Variants in AFAP1 observed in about 807,000 individuals in gnomAD.
AFAP1 encodes actin filament associated protein 1.
Under a neutral mutation model 93.9 loss-of-function variants are expected in AFAP1, and 75 were observed. That is an observed-to-expected ratio of 0.80 (90% CI 0.66 to 0.97). The LOEUF is 0.97. Among genes scored for constraint, AFAP1 ranks in the 50% least tolerant of loss-of-function variants. The pLI is 0.00. For synonymous variants in AFAP1, 517 were observed against 430.7 expected (o/e 1.20, Z -2.48); for missense variants, 1,201 against 1,050.8 (o/e 1.14, Z -1.98).
At chr4:7,791,229 T>C (rs1369679800) in intron 11 of AFAP1, among the ~76,000 whole-genome samples, 2 of 152,204 alleles carry the variant, frequency 1.3e-5, no homozygotes, top group Non-Finnish European at 2.9e-5. Flanking sequence ...AGCAGCTGTC[T>C]GTATGTTTCT....
intron 8 of AFAP1, 32 bp downstream of exon 8, chr4:7,815,986 G>GTA: frequency 6.5e-7 from 1 of 1,547,968 alleles, no homozygotes; most frequent in Non-Finnish European, 8.8e-7. Context: ...TTTTTTTAGT[G>GTA]TATATATGTT....
chr4:7,933,019 CAA>C (rs11369145), intron 1 of AFAP1, among the ~76,000 whole-genome samples: 9 of 51,088 alleles, frequency 1.8e-4, no homozygotes, highest in Non-Finnish European at 2.0e-4. Context: ...GACTCCCTCT[CAA>C]AAAAAAAAAA....
chr4:7,928,167 G>A (rs1052195274), intron 1 of AFAP1, among the ~76,000 whole-genome samples: 1 of 152,096 alleles, frequency 6.6e-6, no homozygotes, highest in Admixed American at 6.6e-5. Flanking sequence ...TTGGCTAAAT[G>A]TAAACTGCCC....
At chr4:7,881,080 C>T (rs572876534) in intron 1 of AFAP1, among the ~76,000 whole-genome samples, 3 of 152,290 alleles carry the variant, frequency 2.0e-5, no homozygotes, top group Non-Finnish European at 4.4e-5. Flanking sequence ...TGGTTCTTCC[C>T]TTCAAATTTC....
intron 1 of AFAP1, among the ~76,000 whole-genome samples, chr4:7,907,901 T>C (rs191347646): frequency 7.9e-5 from 12 of 152,250 alleles, no homozygotes; most frequent in Admixed American, 5.9e-4. Context: ...TAGCACCCAT[T>C]TAAAGTTAAG....
intron 11 of AFAP1, among the ~76,000 whole-genome samples, chr4:7,791,903 CAG>C (rs1042716644): frequency 4.0e-5 from 6 of 151,736 alleles, no homozygotes; most frequent in African/African-American, 1.5e-4. Flanking sequence ...CAAAACGTGG[CAG>C]AGTGTTCACG....
intron 1 of AFAP1, among the ~76,000 whole-genome samples, chr4:7,927,817 T>G (rs1252624239): frequency 6.6e-6 from 1 of 152,196 alleles, no homozygotes; most frequent in African/African-American, 2.4e-5. Context: ...CACACATATA[T>G]TCTTGTATCA....
intron 1 of AFAP1, among the ~76,000 whole-genome samples, chr4:7,935,920 A>G (rs1362051913): frequency 6.6e-6 from 1 of 152,230 alleles, no homozygotes; most frequent in African/African-American, 2.4e-5. Context: ...ACCTCGACAC[A>G]GAAGCAGAAT....
chr4:7,791,790 C>T (rs562811428), intron 11 of AFAP1, among the ~76,000 whole-genome samples: 2 of 150,066 alleles, frequency 1.3e-5, no homozygotes, highest in Admixed American at 6.7e-5. Flanking sequence ...GAGGTTGAGG[C>T]TGCAATGAGT....
intron 4 of AFAP1, 125 bp from the exon 5 acceptor site, chr4:7,843,475 C>T: frequency 2.2e-6 from 2 of 912,546 alleles, no homozygotes; most frequent in South Asian, 1.9e-5. Context: ...ACCTCTGCTC[C>T]TTAAGGGAAA....
At chr4:7,795,788 A>T (rs1250675085) in intron 10 of AFAP1, among the ~76,000 whole-genome samples, 1 of 152,194 alleles carries the variant, frequency 6.6e-6, no homozygotes, top group Non-Finnish European at 1.5e-5. Context: ...AAAGCATTTT[A>T]AAAATGTTTT....
chr4:7,773,258 G>A, intron 15 of AFAP1: 1 of 498,136 alleles, frequency 2.0e-6, no homozygotes, highest in South Asian at 2.9e-5. Flanking sequence ...TTCTGACGAA[G>A]GCCAGGAGCT....
At chr4:7,882,289 A>T (rs1281766820) in intron 1 of AFAP1, among the ~76,000 whole-genome samples, 1 of 152,184 alleles carries the variant, frequency 6.6e-6, no homozygotes, top group Non-Finnish European at 1.5e-5. Context: ...AAAACAAAAA[A>T]ACACCAGACC....
At chr4:7,926,460 T>C (rs1268541662) in intron 1 of AFAP1, among the ~76,000 whole-genome samples, 1 of 152,152 alleles carries the variant, frequency 6.6e-6, no homozygotes, top group Non-Finnish European at 1.5e-5. Context: ...AGAATACTGT[T>C]TGTATTCCCA....
At chr4:7,877,369 C>A (rs1189115512) in intron 1 of AFAP1, among the ~76,000 whole-genome samples, 1 of 152,230 alleles carries the variant, frequency 6.6e-6, no homozygotes, top group Non-Finnish European at 1.5e-5. Flanking sequence ...CACTGCGCCC[C>A]ATCTACAGCA....
chr4:7,813,102 T>C (rs947242988), intron 8 of AFAP1, among the ~76,000 whole-genome samples: 4 of 152,276 alleles, frequency 2.6e-5, no homozygotes, highest in Non-Finnish European at 5.9e-5. Context: ...GAGCCTGGAC[T>C]GTCTCTTTCT....
intron 2 of AFAP1, among the ~76,000 whole-genome samples, chr4:7,869,040 AAAG>A (rs1173185651): frequency 2.0e-5 from 3 of 151,760 alleles, no homozygotes; most frequent in Admixed American, 6.6e-5. Context: ...AAAAGAAAGA[AAAG>A]AAAAGAGAAA....
intron 7 of AFAP1, among the ~76,000 whole-genome samples, chr4:7,818,494 G>A (rs1380847513): frequency 1.3e-5 from 2 of 152,184 alleles, no homozygotes; most frequent in Non-Finnish European, 2.9e-5. Context: ...TTTCATGGCA[G>A]GAAGCCAGGG....
chr4:7,810,813 G>A (rs376264502), intron 8 of AFAP1, among the ~76,000 whole-genome samples: 12 of 152,310 alleles, frequency 7.9e-5, no homozygotes, highest in African/African-American at 2.9e-4. Flanking sequence ...GACAACACGG[G>A]GCGGTTCTCA....
Sources: allele counts gnomAD v4.1 joint callset (sites outside exome capture counted in the v4.1 genomes callset), GRCh38; gene constraint gnomAD v4.1.1; transcripts MANE v1.5; gene names NCBI Gene and HGNC (gene_info 2026-07-23, HGNC 2026-07-21).